NOX4: variants seen among roughly 807,000 people sequenced by gnomAD.
The protein encoded by NOX4 is kidney oxidase-1.
A neutral mutation model predicts 87.6 loss-of-function variants in NOX4; 69 were observed. The ratio of observed to expected loss-of-function variants is 0.79; its 90% CI spans 0.65 to 0.96. NOX4 has a LOEUF of 0.96. Ranked by LOEUF, NOX4 falls within the 40% of genes least tolerant of loss-of-function variation. The pLI is 0.00. For missense variants in NOX4, 680 were observed against 681.5 expected (o/e 1.00, Z 0.02); for synonymous variants, 275 against 238.2 (o/e 1.15, Z -1.42).
the NOX4 span, among the ~76,000 whole-genome samples, chr11:89,570,262 C>T: frequency 6.6e-6 from 1 of 152,036 alleles, no homozygotes; most frequent in African/African-American, 2.4e-5. Context: ...AAAAGAAAAC[C>T]AAACACCACA....
At chr11:89,568,526 A>G in the NOX4 span, among the ~76,000 whole-genome samples, 1,427 of 152,332 alleles carry the variant, frequency 9.4e-3, 23 homozygotes, top group African/African-American at 0.033. Flanking sequence ...ATTGAAAGTA[A>G]TCAGAGATTA....
At chr11:89,392,037 A>C (rs1941170841) in intron 11 of NOX4, among the ~76,000 whole-genome samples, 1 of 151,108 alleles carries the variant, frequency 6.6e-6, no homozygotes, top group African/African-American at 2.4e-5. Flanking sequence ...TCCAGAGAAC[A>C]ATCTTTCTTT....
chr11:89,440,228 T>A (rs1211600839), intron 6 of NOX4, among the ~76,000 whole-genome samples: 1 of 152,226 alleles, frequency 6.6e-6, no homozygotes, highest in Admixed American at 6.6e-5. Flanking sequence ...CTCCAAATAT[T>A]TATTCTTACA....
intron 6 of NOX4, among the ~76,000 whole-genome samples, chr11:89,438,888 TTATATATTATATATATAATATATA>T (rs1944306633): frequency 2.0e-5 from 1 of 49,812 alleles, no homozygotes; most frequent in Admixed American, 3.9e-4. Flanking sequence ...ATATAATATA[TTATATATTATATATATAATATATA>T]ATATAAAATA....
chr11:89,373,352 T>C, intron 12 of NOX4, 80 bp downstream of exon 12: 1 of 796,834 alleles, frequency 1.3e-6, no homozygotes, highest in Non-Finnish European at 2.1e-6. Flanking sequence ...TACATGCTGG[T>C]AGTTATATTA....
chr11:89,564,625 T>A, the NOX4 span, among the ~76,000 whole-genome samples: 1 of 152,114 alleles, frequency 6.6e-6, no homozygotes, highest in Non-Finnish European at 1.5e-5. Context: ...AGGTGGAGCT[T>A]GTTTGTTTGC....
In NOX4 at chr11:89,434,071, T is replaced by G. The variant is rs563508719; in HGVS notation, c.476-1215A>C. Among the ~76,000 whole-genome samples the G allele has an allele frequency of 1.6e-4, 25 of 152,208 alleles. No homozygotes were observed. The South Asian group carries it at 5.2e-3, about 31-fold the overall frequency. On this transcript the variant is annotated intron_variant, in intron 6 of 17. Coordinates refer to ENST00000263317, the MANE Select transcript of NOX4 (RefSeq NM_016931.5). Reference sequence around the variant, plus strand: ...ATTCCATCTGGAAAAGTGACATTCCTCTGCTTCTTTCCTTGTCAAGAAAAC... The same window carrying G: ...ATTCCATCTGGAAAAGTGACATTCCGCTGCTTCTTTCCTTGTCAAGAAAAC...
the NOX4 span, among the ~76,000 whole-genome samples, chr11:89,505,111 G>A: frequency 6.6e-5 from 10 of 152,046 alleles, no homozygotes; most frequent in South Asian, 2.1e-3. Flanking sequence ...AGTCTCAGAG[G>A]AAGGACTATT....
At chr11:89,469,483 T>C (rs1169852316) in intron 2 of NOX4, among the ~76,000 whole-genome samples, 1 of 152,242 alleles carries the variant, frequency 6.6e-6, no homozygotes. Context: ...AGGAAAATTT[T>C]AATCAAACCA....
rs756652730 is a variant in NOX4, at chr11:89,326,856, C to G, written c.1637G>C (p.Cys546Ser). The G allele has an allele frequency of 6.2e-7, 1 of 1,613,040 alleles. No homozygotes were observed. Among genetic ancestry groups the G allele is most frequent in the Non-Finnish European group, 8.5e-7 (1 of 1,179,512 alleles). ...CTTGGATAGTGAATTGGGTCCACAA[C>G]AGAAAACACCAACTGTTTTTCTAGA... Reference protein sequence around the residue: ...YNRGKTVGVFCCGPNSLSKTL... With the variant: ...YNRGKTVGVFSCGPNSLSKTL... The change falls in exon 18 of 18, where the codon TGT (cysteine) becomes TCT (serine). Residue 546 changes from cysteine to serine, a missense_variant. Cys to Ser is a moderately radical substitution (Grantham distance 112, BLOSUM62 -1). Transcript: ENST00000263317.
At chr11:89,389,681 A>G (rs1313950310) in intron 11 of NOX4, among the ~76,000 whole-genome samples, 1 of 152,194 alleles carries the variant, frequency 6.6e-6, no homozygotes, top group East Asian at 1.9e-4. Flanking sequence ...TTCTGACTCC[A>G]GCAACATAGA....
intron 8 of NOX4, among the ~76,000 whole-genome samples, chr11:89,410,629 C>T (rs115915985): frequency 6.6e-6 from 1 of 152,152 alleles, no homozygotes; most frequent in South Asian, 2.1e-4. Flanking sequence ...CAATGAAAAG[C>T]AACACCAGGA....
chr11:89,375,097 T>G (rs747885092), intron 11 of NOX4, among the ~76,000 whole-genome samples: 1 of 152,180 alleles, frequency 6.6e-6, no homozygotes, highest in African/African-American at 2.4e-5. Context: ...ACATAATCTA[T>G]GTCCAAGGTT....
chr11:89,574,352 C>T, the NOX4 span, among the ~76,000 whole-genome samples: 5 of 152,192 alleles, frequency 3.3e-5, no homozygotes, highest in Admixed American at 3.3e-4. Flanking sequence ...TCCCAAAGTA[C>T]TGCCCAATCT....
At chr11:89,566,904 C>T in the NOX4 span, among the ~76,000 whole-genome samples, 1 of 152,022 alleles carries the variant, frequency 6.6e-6, no homozygotes, top group Non-Finnish European at 1.5e-5. Context: ...CGTAGGAATC[C>T]CCGTGACCTC....
intron 7 of NOX4, among the ~76,000 whole-genome samples, chr11:89,432,292 A>G (rs2135313059): frequency 6.6e-6 from 1 of 152,244 alleles, no homozygotes; most frequent in South Asian, 2.1e-4. Flanking sequence ...TGGCACATGT[A>G]TACATATGTA....
At chr11:89,580,491 C>A in the NOX4 span, among the ~76,000 whole-genome samples, 3 of 152,000 alleles carry the variant, frequency 2.0e-5, no homozygotes, top group Admixed American at 1.3e-4. Context: ...CTAAAATATG[C>A]GGTTTAAATA....
At chr11:89,481,265 G>A (rs1004310749) in intron 2 of NOX4, among the ~76,000 whole-genome samples, 1 of 151,186 alleles carries the variant, frequency 6.6e-6, no homozygotes, top group East Asian at 1.9e-4. Context: ...ATATATATAT[G>A]TGTGTGTGTA....
intron 7 of NOX4, among the ~76,000 whole-genome samples, chr11:89,431,772 T>C (rs1943797472): frequency 6.6e-6 from 1 of 152,110 alleles, no homozygotes; most frequent in Non-Finnish European, 1.5e-5. Flanking sequence ...ACTAATTCAA[T>C]CATTGTGGAA....
Sources: gnomAD v4.1 joint callset for allele counts (sites outside exome capture counted in the v4.1 genomes callset) on GRCh38, gnomAD v4.1.1 for gene constraint, MANE v1.5 for transcripts, NCBI Gene and HGNC (gene_info 2026-07-23, HGNC 2026-07-21) for gene names.